ZNF510: variants seen among roughly 807,000 people sequenced by gnomAD.
ZNF510 encodes zinc finger protein 510.
ZNF510 carries 15 observed loss-of-function variants against 18.1 expected under a neutral mutation model. The ratio of observed to expected loss-of-function variants is 0.83; its 90% CI spans 0.55 to 1.28. The LOEUF (loss-of-function observed/expected upper bound fraction) is 1.28, where lower values mean the gene tolerates loss of function less well. Ranked by LOEUF, ZNF510 falls within the 50% of genes most tolerant of loss-of-function variation. ZNF510 has a pLI of 0.00. For synonymous variants in ZNF510, 261 were observed against 266.4 expected (o/e 0.98, Z 0.20); for missense variants, 724 against 791.8 (o/e 0.91, Z 1.03).
At chr9:96,765,355 T>TA (rs1361148536) in intron 3 of ZNF510, among the ~76,000 whole-genome samples, 3 of 152,266 alleles carry the variant, frequency 2.0e-5, no homozygotes, top group East Asian at 1.9e-4. Flanking sequence ...TACAGGAAGG[T>TA]AAAAAATTTG....
At chr9:96,766,652 AG>A (rs1367819686) in intron 3 of ZNF510, among the ~76,000 whole-genome samples, 2 of 152,154 alleles carry the variant, frequency 1.3e-5, no homozygotes, top group Non-Finnish European at 2.9e-5. Context: ...TTAAAAAAAA[AG>A]GACAGTCTAT....
At chr9:96,765,810 C>T (rs750497170) in intron 3 of ZNF510, among the ~76,000 whole-genome samples, 5 of 152,026 alleles carry the variant, frequency 3.3e-5, no homozygotes, top group South Asian at 2.1e-4. Context: ...TGCGCCTGGC[C>T]GATGATTTCA....
intron 3 of ZNF510, among the ~76,000 whole-genome samples, chr9:96,769,364 GAGA>G (rs1849539515): frequency 6.6e-6 from 1 of 151,380 alleles, no homozygotes; most frequent in South Asian, 2.1e-4. Flanking sequence ...TTGAACCCAG[GAGA>G]AGGACGTTGC....
At chr9:96,763,888 G>A (rs1247660865) in intron 3 of ZNF510, among the ~76,000 whole-genome samples, 1 of 152,152 alleles carries the variant, frequency 6.6e-6, no homozygotes, top group Non-Finnish European at 1.5e-5. Context: ...TTGAGCCCAG[G>A]AGTTCAAGAC....
Position 96,759,655 on chromosome 9 carries a change from CTG to C in ZNF510, c.1173_1174del (p.His391GlnfsTer14). 3.7e-6 allele frequency: 6 copies of C among 1,613,644 alleles called. No individual in the cohort carries two copies. Among genetic ancestry groups the C allele is most frequent in the Non-Finnish European group, 5.1e-6 (6 of 1,179,930 alleles). The stretch of plus-strand genomic sequence containing the variant: ...CATTGAGTGACTTCTTCGGCGAACT[CTG>C]TGAACCGACGTCTGGTAGGATTTCT... On this transcript the variant is annotated frameshift_variant, in exon 6 of 6. Transcript: ENST00000223428. LOFTEE classifies it low-confidence loss of function (END_TRUNC).
At chr9:96,767,683 CAG>C (rs2118010526) in intron 3 of ZNF510, among the ~76,000 whole-genome samples, 1 of 152,214 alleles carries the variant, frequency 6.6e-6, no homozygotes, top group East Asian at 1.9e-4. Context: ...CAAAAAGAAA[CAG>C]AACATCCGAA....
chr9:96,763,370 G>A, intron 4 of ZNF510, 136 bp downstream of exon 4: 4 of 1,292,140 alleles, frequency 3.1e-6, no homozygotes, highest in Non-Finnish European at 4.3e-6. Context: ...CCTCGACAGG[G>A]CATAGTTACT....
At chr9:96,766,690 C>T (rs1849480194) in intron 3 of ZNF510, among the ~76,000 whole-genome samples, 1 of 152,046 alleles carries the variant, frequency 6.6e-6, no homozygotes, top group Non-Finnish European at 1.5e-5. Flanking sequence ...AAATTACAAT[C>T]ATACAGCGTA....
Position 96,758,951 on chromosome 9 carries a change from G to T in ZNF510, c.1879C>A (p.Pro627Thr). The change falls in exon 6 of 6, where the codon CCC becomes ACC. Residue 627 changes from proline (P) to threonine (T), a missense_variant. Physicochemically the swap from Pro to Thr is conservative, Grantham distance 38. Coordinates refer to ENST00000223428, the MANE Select transcript of ZNF510 (RefSeq NM_014930.3). ...DHQRIHTGEK[P>T]FQCNKCGKTF... ...TTCCCACATTTATTACACTGAAAGG[G>T]TTTCTCCCCTGTGTGAATTCTCTGA... The T allele has an allele frequency of 1.2e-6, 2 of 1,613,916 alleles. No homozygotes were observed. Among genetic ancestry groups the T allele is most frequent in the Non-Finnish European group, 1.7e-6 (2 of 1,179,932 alleles).
At position 96,759,512 on chromosome 9, in the gene ZNF510, T is replaced by G. The variant is rs374504847; in HGVS notation, c.1318A>C (p.Thr440Pro). The change falls in exon 6 of 6, where the codon ACT becomes CCT. Residue 440 changes from threonine (T) to proline (P), a missense_variant. Transcript: ENST00000223428. ...KPFECSECGK[T>P]FSQKSHLSTH... is the part of the protein sequence containing the mutation. ...CTGAGGTGTGACTTCTGGGAGAAAGTTTTTCCACATTCACTACATTCAAAT... is the reference window on the plus strand; with the variant it reads ...CTGAGGTGTGACTTCTGGGAGAAAGGTTTTCCACATTCACTACATTCAAAT... 2 of 1,613,954 alleles carry G rather than the reference T, an allele frequency of 1.2e-6. No individual in the cohort carries two copies. Among genetic ancestry groups the G allele is most frequent in the Non-Finnish European group, 1.7e-6 (2 of 1,179,942 alleles).
rs1404293534 is a variant in ZNF510 at position 96,758,682 on chromosome 9, T to C, written c.*96A>G. On this transcript the variant is annotated 3_prime_UTR_variant, in exon 6 of 6. Coordinates refer to ENST00000223428, the MANE Select transcript of ZNF510 (RefSeq NM_014930.3). The stretch of plus-strand genomic sequence containing the variant: ...CACAGTGAGGGTTTACTTCTGGGAC[T>C]GTCTTCTTACATTCACTACCCTCAA... 7.9e-7 allele frequency: 1 copy of C among 1,263,178 alleles called. No individual in the cohort carries two copies. The highest frequency in any genetic ancestry group is 1.5e-5 in the African/African-American group (1 of 66,828). The allele number at this position is 1,263,178 out of a possible 1,614,324, so 78.2% of individuals were successfully genotyped here. A position where few individuals can be genotyped will look rare whatever the true frequency, so the allele number is the denominator to read the frequency against.
At chr9:96,773,187 G>T (rs969134619) in intron 3 of ZNF510, among the ~76,000 whole-genome samples, 1 of 152,112 alleles carries the variant, frequency 6.6e-6, no homozygotes, top group Admixed American at 6.5e-5. Context: ...CTGTAGAGGG[G>T]AGCAGTGGTG....
chr9:96,764,173 CT>C (rs796803196), intron 3 of ZNF510, among the ~76,000 whole-genome samples: 22 of 143,278 alleles, frequency 1.5e-4, no homozygotes, highest in Middle Eastern at 3.4e-3. Context: ...ATTACTAAAA[CT>C]TTTTTTTTAT....
chr9:96,772,548 C>G (rs1010131836), intron 3 of ZNF510, among the ~76,000 whole-genome samples: 1 of 151,812 alleles, frequency 6.6e-6, no homozygotes, highest in African/African-American at 2.4e-5. Flanking sequence ...GCAAATAACC[C>G]AATTAAAACA....
chr9:96,758,776 C>A lies in ZNF510; in HGVS notation c.*2G>T. The A allele has an allele frequency of 6.4e-7, 1 of 1,561,176 alleles. No individual in the cohort carries two copies. The highest frequency in any genetic ancestry group is 8.6e-7 in the Non-Finnish European group (1 of 1,156,234). Reference sequence around the variant, plus strand: ...TGTCAAAAGGATTTTCTAGTTATTACATCAATAGGGATTCCCCTCTCCCTG... The same window carrying A: ...TGTCAAAAGGATTTTCTAGTTATTAAATCAATAGGGATTCCCCTCTCCCTG... On this transcript the variant is annotated 3_prime_UTR_variant, in exon 6 of 6. Transcript: ENST00000223428.
intron 3 of ZNF510, 59 bp from the exon 4 acceptor site, chr9:96,763,691 A>G: frequency 6.8e-7 from 1 of 1,465,860 alleles, no homozygotes; most frequent in African/African-American, 1.4e-5. Context: ...TGTAGAAAAT[A>G]GCCATGAAAA....
chr9:96,772,090 AG>A (rs796721757), intron 3 of ZNF510, among the ~76,000 whole-genome samples: 52 of 152,334 alleles, frequency 3.4e-4, no homozygotes, highest in Admixed American at 8.5e-4. Flanking sequence ...ATTGGACCAA[AG>A]GAAGAAAATA....
chr9:96,767,082 C>T (rs1284877324), intron 3 of ZNF510, among the ~76,000 whole-genome samples: 1 of 152,126 alleles, frequency 6.6e-6, no homozygotes, highest in South Asian at 2.1e-4. Context: ...AATTCCAGCA[C>T]TTTGGGAGGC....
intron 3 of ZNF510, among the ~76,000 whole-genome samples, chr9:96,766,698 G>A (rs10115894): frequency 0.059 from 9,025 of 151,960 alleles, 882 homozygotes; most frequent in African/African-American, 0.2. Flanking sequence ...ATCATACAGC[G>A]TAGCTTTAGA....
Sources: gnomAD v4.1 joint callset for allele counts (sites outside exome capture counted in the v4.1 genomes callset) on GRCh38, gnomAD v4.1.1 for gene constraint, MANE v1.5 for transcripts, NCBI Gene and HGNC (gene_info 2026-07-23, HGNC 2026-07-21) for gene names.